Variants in PDE7B observed in about 807,000 individuals in gnomAD.
The protein encoded by PDE7B is phosphodiesterase 7B.
A neutral mutation model predicts 56.2 loss-of-function variants in PDE7B; 29 were observed. The ratio of observed to expected loss-of-function variants is 0.52; its 90% CI spans 0.38 to 0.70. PDE7B has a LOEUF of 0.70. Among genes scored for constraint, PDE7B ranks in the 30% least tolerant of loss-of-function variants. The probability of loss-of-function intolerance (pLI) is 0.00; values close to 1 mark genes in which losing one functional copy is unlikely to be tolerated. For missense variants in PDE7B, 490 were observed against 565.0 expected, an observed-to-expected ratio of 0.87 and a Z score of 1.35; for synonymous variants, 197 against 196.9, an observed-to-expected ratio of 1.00 and a Z score of 0.00.
intron 2 of PDE7B, among the ~76,000 whole-genome samples, chr6:136,104,046 C>A (rs561361039): frequency 1.3e-5 from 2 of 152,330 alleles, no homozygotes; most frequent in African/African-American, 2.4e-5. Flanking sequence ...CATTCCGGAG[C>A]CCTGTCCTCA....
chr6:136,086,350 ATTTAT>A (rs757657965), intron 2 of PDE7B, among the ~76,000 whole-genome samples: 87 of 150,050 alleles, frequency 5.8e-4, no homozygotes, highest in African/African-American at 7.7e-4. Flanking sequence ...AATGGCTTTT[ATTTAT>A]TTTATTTTTT....
chr6:136,150,004 G>A (rs1356202523), intron 5 of PDE7B, among the ~76,000 whole-genome samples: 2 of 152,064 alleles, frequency 1.3e-5, no homozygotes, highest in East Asian at 1.9e-4. Context: ...ACTGAGAAAC[G>A]GGTACTGGTA....
At chr6:136,064,444 G>C (rs2128213037) in intron 2 of PDE7B, 1 of 152,276 alleles carries the variant, frequency 6.6e-6, no homozygotes, top group Non-Finnish European at 1.5e-5. Context: ...TCAAAAGAAG[G>C]AATCCGTAGG....
chr6:135,907,537 C>T (rs12209685), intron 1 of PDE7B, among the ~76,000 whole-genome samples: 49,589 of 151,774 alleles, frequency 0.33, 9,107 homozygotes, highest in East Asian at 0.43. Flanking sequence ...ACAAGCTACT[C>T]TGCTATGCTC....
chr6:135,914,189 G>T (rs1192410046), intron 1 of PDE7B, among the ~76,000 whole-genome samples: 1 of 152,070 alleles, frequency 6.6e-6, no homozygotes, highest in Non-Finnish European at 1.5e-5. Context: ...ACTGATGTTG[G>T]ATATTTAAAT....
In PDE7B at chr6:136,183,781, G is replaced by A. The variant is rs546058870; in HGVS notation, c.1045+2458G>A. Among the ~76,000 whole-genome samples the A allele has an allele frequency of 6.6e-5, 10 of 152,146 alleles. No homozygotes were observed. In the South Asian group the frequency reaches 2.1e-3, roughly 32 times the overall value. ...CATTCCAGCCTGCTCCTGGCAGGCAGGCTTCCACAGACTACTAACTGTCCT... is the reference window on the plus strand; with the variant it reads ...CATTCCAGCCTGCTCCTGGCAGGCAAGCTTCCACAGACTACTAACTGTCCT... On this transcript the variant is annotated intron_variant, in intron 11 of 12. Coordinates refer to ENST00000308191, the MANE Select transcript of PDE7B (RefSeq NM_018945.4).
intron 3 of PDE7B, among the ~76,000 whole-genome samples, chr6:136,115,655 G>C (rs1005032062): frequency 1.3e-5 from 2 of 152,190 alleles, no homozygotes; most frequent in African/African-American, 4.8e-5. Flanking sequence ...TTTATCTGAA[G>C]GATGAAAAAT....
At chr6:136,056,512 CTTTTTTTTTTTTTTTTTTTT>C (rs542232291) in intron 2 of PDE7B, among the ~76,000 whole-genome samples, 230 of 53,944 alleles carry the variant, frequency 4.3e-3, no homozygotes, top group Middle Eastern at 0.015. Flanking sequence ...AGATAGAATC[CTTTTTTTTTTTTTTTTTTTT>C]TTTTTTTTTT....
chr6:135,986,048 A>T (rs1775370648), intron 2 of PDE7B, among the ~76,000 whole-genome samples: 2 of 152,142 alleles, frequency 1.3e-5, no homozygotes, highest in Non-Finnish European at 1.5e-5. Context: ...TATAGAAGGC[A>T]CTCATATTGC....
chr6:135,970,600 T>C (rs1403045226), intron 2 of PDE7B, among the ~76,000 whole-genome samples: 3 of 152,212 alleles, frequency 2.0e-5, no homozygotes, highest in African/African-American at 4.8e-5. Flanking sequence ...GTCCCCGGTA[T>C]ACATTGTGAA....
intron 1 of PDE7B, among the ~76,000 whole-genome samples, chr6:135,937,404 C>T (rs569884566): frequency 1.3e-5 from 2 of 152,300 alleles, no homozygotes; most frequent in East Asian, 1.9e-4. Context: ...CTCTCCAGTT[C>T]TCCTGGTTAT....
chr6:136,068,197 G>A (rs1028894720), intron 2 of PDE7B, among the ~76,000 whole-genome samples: 3 of 152,134 alleles, frequency 2.0e-5, no homozygotes, highest in Non-Finnish European at 4.4e-5. Context: ...GCTTGGTTTT[G>A]AGCATTTTAA....
intron 1 of PDE7B, among the ~76,000 whole-genome samples, chr6:135,908,262 A>AT (rs111578063): frequency 0.28 from 41,476 of 148,066 alleles, 7,476 homozygotes; most frequent in African/African-American, 0.52. Flanking sequence ...CTAATTTTGT[A>AT]TTTTTTTTTT....
chr6:135,968,105 T>G (rs977512500), intron 2 of PDE7B, among the ~76,000 whole-genome samples: 1 of 152,208 alleles, frequency 6.6e-6, no homozygotes, highest in Non-Finnish European at 1.5e-5. Flanking sequence ...GCTAGCCATA[T>G]GCAGAAAATT....
chr6:135,851,816 C>A lies in PDE7B; in HGVS notation c.-183C>A. 1 of 587,314 alleles carries A rather than the reference C, an allele frequency of 1.7e-6. No individual in the cohort carries two copies. The highest frequency in any genetic ancestry group is 1.9e-5 in the African/African-American group (1 of 53,484). 36.4% of individuals were successfully genotyped at this position (587,314 alleles called of 1,614,324 possible). On this transcript the variant is annotated 5_prime_UTR_variant, in exon 1 of 13. Coordinates refer to ENST00000308191, the MANE Select transcript of PDE7B (RefSeq NM_018945.4). ...TCTACCTTCCTTCTTTCTCGATCTC[C>A]TTGTGTGCTTTTGTGTTTCTTTATT...
At chr6:135,862,144 A>G (rs1775161184) in intron 1 of PDE7B, among the ~76,000 whole-genome samples, 1 of 151,804 alleles carries the variant, frequency 6.6e-6, no homozygotes, top group African/African-American at 2.4e-5. Flanking sequence ...TGAAGGGGTA[A>G]TCGTGGCAAT....
At chr6:136,186,996 G>A in intron 11 of PDE7B, 40 bp from the exon 12 acceptor site, 2 of 999,698 alleles carry the variant, frequency 2.0e-6, no homozygotes, top group Admixed American at 1.8e-5. Flanking sequence ...ATAAGTTCTA[G>A]ATTACCAATG....
At chr6:136,129,316 C>T (rs750945692) in intron 3 of PDE7B, among the ~76,000 whole-genome samples, 1 of 152,150 alleles carries the variant, frequency 6.6e-6, no homozygotes, top group Non-Finnish European at 1.5e-5. Flanking sequence ...TAAGTCTCAT[C>T]TATGTGGAGA....
chr6:135,925,616 A>C (rs1774169768), intron 1 of PDE7B, among the ~76,000 whole-genome samples: 1 of 152,200 alleles, frequency 6.6e-6, no homozygotes, highest in African/African-American at 2.4e-5. Context: ...CATGAAAAAA[A>C]AATTCTGAAA....
Sources: allele counts gnomAD v4.1 joint callset (sites outside exome capture counted in the v4.1 genomes callset), GRCh38; gene constraint gnomAD v4.1.1; transcripts MANE v1.5; gene names NCBI Gene and HGNC (gene_info 2026-07-23, HGNC 2026-07-21).